Variants in DIAPH3 observed in about 807,000 individuals in gnomAD.
DIAPH3 encodes diaphanous related formin 3, also known as protein diaphanous homolog 3.
Under a neutral mutation model 144.3 loss-of-function variants are expected in DIAPH3, and 117 were observed. That is an observed-to-expected ratio of 0.81 (90% CI 0.70 to 0.95). The LOEUF (loss-of-function observed/expected upper bound fraction) is 0.95. Among genes scored for constraint, DIAPH3 ranks in the 40% least tolerant of loss-of-function variants. DIAPH3 has a pLI of 0.00. For synonymous variants in DIAPH3, 519 were observed against 488.9 expected (o/e 1.06, Z -0.81); for missense variants, 1,421 against 1,412.7 (o/e 1.01, Z -0.09).
At chr13:60,040,226 C>T (rs1003507559) in intron 5 of DIAPH3, among the ~76,000 whole-genome samples, 1 of 34,834 alleles carries the variant, frequency 2.9e-5, no homozygotes, top group Non-Finnish European at 4.6e-5. Flanking sequence ...GACTCCATCT[C>T]AAAAAAAAAA....
intron 17 of DIAPH3, among the ~76,000 whole-genome samples, chr13:59,949,788 C>T (rs952561586): frequency 1.3e-5 from 2 of 152,102 alleles, no homozygotes; most frequent in South Asian, 2.1e-4. Flanking sequence ...AACAATAAAA[C>T]CTATTTATCT....
chr13:59,801,255 T>TAAC (rs2039885331), intron 25 of DIAPH3, among the ~76,000 whole-genome samples: 1 of 152,212 alleles, frequency 6.6e-6, no homozygotes, highest in Non-Finnish European at 1.5e-5. Context: ...CTTGACTTTG[T>TAAC]AACACTTGAA....
chr13:59,734,609 C>T (rs564923915), intron 27 of DIAPH3, among the ~76,000 whole-genome samples: 9 of 152,188 alleles, frequency 5.9e-5, no homozygotes, highest in Admixed American at 3.3e-4. Context: ...TTATAACAGC[C>T]GCTGCTGTCT....
At chr13:59,679,749 G>A (rs2138627172) in intron 27 of DIAPH3, among the ~76,000 whole-genome samples, 1 of 151,834 alleles carries the variant, frequency 6.6e-6, no homozygotes, top group East Asian at 1.9e-4. Context: ...AAAAATATTG[G>A]AGACCCATAT....
At chr13:59,879,207 G>A in intron 21 of DIAPH3, 22 bp downstream of exon 21, 1 of 1,613,348 alleles carries the variant, frequency 6.2e-7, no homozygotes, top group Non-Finnish European at 8.5e-7. Flanking sequence ...GCAAATATGT[G>A]TTTTTAAAAA....
At chr13:60,097,841 G>T (rs571691148) in intron 3 of DIAPH3, among the ~76,000 whole-genome samples, 1 of 152,046 alleles carries the variant, frequency 6.6e-6, no homozygotes, top group South Asian at 2.1e-4. Context: ...ATGCATGAAA[G>T]CATGAGGGGT....
intron 4 of DIAPH3, among the ~76,000 whole-genome samples, chr13:60,050,352 T>C (rs1594513783): frequency 6.6e-6 from 1 of 152,154 alleles, no homozygotes; most frequent in Non-Finnish European, 1.5e-5. Context: ...TAGAGGACAG[T>C]AAGAAGACTC....
At chr13:59,785,947 C>T (rs1055523162) in intron 25 of DIAPH3, among the ~76,000 whole-genome samples, 3 of 152,096 alleles carry the variant, frequency 2.0e-5, no homozygotes, top group Non-Finnish European at 2.9e-5. Context: ...TTGAATAGGC[C>T]TGGATCTGTA....
chr13:59,938,107 T>C (rs1262181886), intron 17 of DIAPH3, among the ~76,000 whole-genome samples: 2 of 152,214 alleles, frequency 1.3e-5, no homozygotes, highest in Non-Finnish European at 2.9e-5. Flanking sequence ...CCAGTTAGCA[T>C]TCCAGATCAT....
chr13:59,727,818 C>T (rs2035682434), intron 27 of DIAPH3, among the ~76,000 whole-genome samples: 1 of 152,084 alleles, frequency 6.6e-6, no homozygotes, highest in South Asian at 2.1e-4. Flanking sequence ...GAGGGTCTAC[C>T]ACCATACACA....
intron 17 of DIAPH3, among the ~76,000 whole-genome samples, chr13:59,957,619 T>G (rs1347476319): frequency 6.6e-6 from 1 of 152,208 alleles, no homozygotes; most frequent in African/African-American, 2.4e-5. Context: ...TTTCTTGCTA[T>G]TAGTACTGAA....
At chr13:59,774,886 T>C in intron 25 of DIAPH3, 63 bp from the exon 26 acceptor site, 1 of 1,404,596 alleles carries the variant, frequency 7.1e-7, no homozygotes, top group Non-Finnish European at 1.0e-6. Context: ...TGTCAAAGCA[T>C]ATACAAAAAC....
At chr13:59,806,759 C>T (rs191767887) in intron 25 of DIAPH3, among the ~76,000 whole-genome samples, 6 of 151,564 alleles carry the variant, frequency 4.0e-5, no homozygotes, top group Non-Finnish European at 7.4e-5. Flanking sequence ...TAAAAAGTGG[C>T]CTTGCTATAT....
intron 17 of DIAPH3, among the ~76,000 whole-genome samples, chr13:59,958,703 A>G (rs1396333179): frequency 6.6e-6 from 1 of 151,952 alleles, no homozygotes; most frequent in African/African-American, 2.4e-5. Flanking sequence ...CTTGATGCAC[A>G]TTAATTAAAT....
chr13:59,741,572 T>C (rs186141321), intron 27 of DIAPH3, among the ~76,000 whole-genome samples: 2 of 151,786 alleles, frequency 1.3e-5, no homozygotes, highest in South Asian at 2.1e-4. Context: ...GCTGGCAACA[T>C]AGTGAGATCC....
intron 25 of DIAPH3, among the ~76,000 whole-genome samples, chr13:59,785,617 T>C (rs1014603167): frequency 5.3e-5 from 8 of 152,226 alleles, no homozygotes; most frequent in African/African-American, 1.9e-4. Context: ...ATTTTTAATA[T>C]TTTGATGACT....
At chr13:59,761,440 A>T (rs2037580884) in intron 27 of DIAPH3, among the ~76,000 whole-genome samples, 1 of 152,220 alleles carries the variant, frequency 6.6e-6, no homozygotes, top group Non-Finnish European at 1.5e-5. Flanking sequence ...AGTAAAAAAA[A>T]AATGTAGAGT....
At chr13:59,838,344 G>C (rs2042148579) in intron 23 of DIAPH3, 1 of 151,860 alleles carries the variant, frequency 6.6e-6, no homozygotes, top group Non-Finnish European at 1.5e-5. Flanking sequence ...AAAGATAATT[G>C]AATACAAAAG....
chr13:59,992,409 A>G, intron 10 of DIAPH3, 64 bp downstream of exon 10: 2 of 1,348,264 alleles, frequency 1.5e-6, no homozygotes, highest in Non-Finnish European at 2.1e-6. Flanking sequence ...AATTTATCTA[A>G]ATTTCCCCCT....
Sources: gnomAD v4.1 joint callset for allele counts (sites outside exome capture counted in the v4.1 genomes callset) on GRCh38, gnomAD v4.1.1 for gene constraint, MANE v1.5 for transcripts, NCBI Gene and HGNC (gene_info 2026-07-23, HGNC 2026-07-21) for gene names.